BMP5: variants seen among roughly 807,000 people sequenced by gnomAD.
BMP5 encodes bone morphogenetic protein 5.
A neutral mutation model predicts 46.6 loss-of-function variants in BMP5; 23 were observed. That is an observed-to-expected ratio of 0.49 (90% CI 0.35 to 0.70). The LOEUF is 0.70. Among genes scored for constraint, BMP5 ranks in the 30% least tolerant of loss-of-function variants. The pLI, the probability that BMP5 is intolerant of heterozygous loss-of-function variation, is 0.00. For synonymous variants in BMP5, 204 were observed against 191.9 expected, an observed-to-expected ratio of 1.06 and a Z score of -0.52; for missense variants, 545 against 565.6, an observed-to-expected ratio of 0.96 and a Z score of 0.37.
chr6:55,783,817 T>C (rs1478134470), intron 3 of BMP5, among the ~76,000 whole-genome samples: 1 of 151,988 alleles, frequency 6.6e-6, no homozygotes, highest in Non-Finnish European at 1.5e-5. Context: ...TGGTGCTCTA[T>C]AGTTACTGTT....
chr6:55,789,288 C>A (rs971114256), intron 3 of BMP5, among the ~76,000 whole-genome samples: 1 of 151,722 alleles, frequency 6.6e-6, no homozygotes, highest in African/African-American at 2.4e-5. Flanking sequence ...AAACATAGGG[C>A]TTTTTAAAAG....
intron 1 of BMP5, among the ~76,000 whole-genome samples, chr6:55,857,177 T>A (rs1777420692): frequency 6.6e-6 from 1 of 152,292 alleles, no homozygotes; most frequent in East Asian, 1.9e-4. Flanking sequence ...AGTTTATCGA[T>A]CACTCAACTG....
intron 5 of BMP5, among the ~76,000 whole-genome samples, chr6:55,759,520 A>G (rs1416268098): frequency 1.3e-5 from 2 of 151,970 alleles, no homozygotes; most frequent in Non-Finnish European, 2.9e-5. Context: ...AGTGAACCCG[A>G]AAGAAAAAGG....
intron 1 of BMP5, among the ~76,000 whole-genome samples, chr6:55,846,267 A>G (rs940148809): frequency 6.6e-6 from 1 of 152,014 alleles, no homozygotes; most frequent in Non-Finnish European, 1.5e-5. Flanking sequence ...TGTACAACTC[A>G]AATACTACAT....
At chr6:55,780,001 T>C (rs1306735701) in intron 3 of BMP5, among the ~76,000 whole-genome samples, 1 of 152,052 alleles carries the variant, frequency 6.6e-6, no homozygotes, top group African/African-American at 2.4e-5. Flanking sequence ...TCTGGGGTTC[T>C]GTTTAACAAA....
intron 1 of BMP5, among the ~76,000 whole-genome samples, chr6:55,836,629 CAT>C (rs1490138218): frequency 0.029 from 3,811 of 131,592 alleles, 161 homozygotes; most frequent in African/African-American, 0.11. Flanking sequence ...CACATACATA[CAT>C]ACACACACAC....
chr6:55,757,093 GA>G (rs1173532757), intron 6 of BMP5, among the ~76,000 whole-genome samples: 15 of 151,908 alleles, frequency 9.9e-5, no homozygotes, highest in African/African-American at 3.6e-4. Context: ...GTTTGTGTCA[GA>G]TTTTTTTTAT....
intron 1 of BMP5, among the ~76,000 whole-genome samples, chr6:55,857,282 A>G (rs1424277360): frequency 6.6e-6 from 1 of 152,202 alleles, no homozygotes; most frequent in African/African-American, 2.4e-5. Context: ...AAACTATGCT[A>G]TGATACAGTA....
intron 1 of BMP5, among the ~76,000 whole-genome samples, chr6:55,852,066 G>A (rs1777259399): frequency 6.6e-6 from 1 of 151,972 alleles, no homozygotes; most frequent in Admixed American, 6.6e-5. Context: ...TTAGTAAAAT[G>A]AATTTATTTC....
chr6:55,775,439 G>C (rs1367130302), intron 3 of BMP5, among the ~76,000 whole-genome samples: 1 of 151,628 alleles, frequency 6.6e-6, no homozygotes, highest in African/African-American at 2.4e-5. Flanking sequence ...ATTGATATCT[G>C]GTTCAATGAA....
intron 3 of BMP5, 138 bp from the exon 4 acceptor site, chr6:55,774,381 T>C: frequency 1.3e-6 from 1 of 763,046 alleles, no homozygotes; most frequent in South Asian, 1.6e-5. Context: ...GCCAAGATTC[T>C]TATAAATATT....
intron 4 of BMP5, among the ~76,000 whole-genome samples, chr6:55,764,700 C>A (rs1220706126): frequency 6.7e-6 from 1 of 148,648 alleles, no homozygotes. Flanking sequence ...AACCCCTGTT[C>A]TTAGTCATAT....
intron 1 of BMP5, among the ~76,000 whole-genome samples, chr6:55,868,223 T>C (rs1777696715): frequency 6.6e-6 from 1 of 152,148 alleles, no homozygotes; most frequent in South Asian, 2.1e-4. Context: ...CCTGACATTT[T>C]AAAACTATTT....
intron 2 of BMP5, among the ~76,000 whole-genome samples, chr6:55,814,016 T>C (rs1475699952): frequency 3.3e-5 from 5 of 152,154 alleles, no homozygotes; most frequent in Non-Finnish European, 7.3e-5. Flanking sequence ...CCCATACTTC[T>C]CAAATGTATT....
chr6:55,863,798 ATACT>A (rs1399134943), intron 1 of BMP5, among the ~76,000 whole-genome samples: 1 of 152,216 alleles, frequency 6.6e-6, no homozygotes, highest in African/African-American at 2.4e-5. Flanking sequence ...CAATAAACAA[ATACT>A]TACCATGGTG....
chr6:55,763,805 C>A (rs1394844193), intron 4 of BMP5, among the ~76,000 whole-genome samples: 2 of 152,070 alleles, frequency 1.3e-5, no homozygotes, highest in African/African-American at 2.4e-5. Flanking sequence ...GAAGCCCATG[C>A]CAAAATAGTA....
chr6:55,803,262 C>A (rs1435711767), intron 2 of BMP5, among the ~76,000 whole-genome samples: 1 of 151,784 alleles, frequency 6.6e-6, no homozygotes, highest in Non-Finnish European at 1.5e-5. Flanking sequence ...CGCCATTGCA[C>A]TCCAGCCTAT....
intron 2 of BMP5, among the ~76,000 whole-genome samples, chr6:55,806,677 T>A (rs186577183): frequency 0.013 from 1,932 of 152,216 alleles, 22 homozygotes; most frequent in Non-Finnish European, 0.021. Flanking sequence ...CCATTTTCAT[T>A]ATATTGATTC....
At chr6:55,836,569 G>T (rs9475420) in intron 1 of BMP5, among the ~76,000 whole-genome samples, 4,048 of 151,486 alleles carry the variant, frequency 0.027, 174 homozygotes, top group African/African-American at 0.092. Context: ...CAATATCTGG[G>T]CTGTAAAGAT....
Sources: gnomAD v4.1 joint callset for allele counts (sites outside exome capture counted in the v4.1 genomes callset) on GRCh38, gnomAD v4.1.1 for gene constraint, MANE v1.5 for transcripts, NCBI Gene and HGNC (gene_info 2026-07-23, HGNC 2026-07-21) for gene names.